The following ASXL2 variants were observed in gnomAD, a reference collection of about 807,000 sequenced individuals.
The protein encoded by ASXL2 is ASXL transcriptional regulator 2, also known as putative Polycomb group protein ASXL2.
Under a neutral mutation model 122.0 loss-of-function variants are expected in ASXL2, and 23 were observed. The ratio of observed to expected loss-of-function variants is 0.19; its 90% confidence interval spans 0.14 to 0.27. ASXL2 has a LOEUF of 0.27. Among genes scored for constraint, ASXL2 ranks in the 10% least tolerant of loss-of-function variants. The pLI, the probability that ASXL2 is intolerant of heterozygous loss-of-function variation, is 1.00. For synonymous variants in ASXL2, 650 were observed against 637.0 expected, an observed-to-expected ratio of 1.02 and a Z score of -0.31; for missense variants, 1,518 against 1,713.8, an observed-to-expected ratio of 0.89 and a Z score of 2.02.
intron 11 of ASXL2, among the ~76,000 whole-genome samples, chr2:25,752,984 T>G (rs2088071210): frequency 6.6e-6 from 1 of 151,812 alleles, no homozygotes; most frequent in Non-Finnish European, 1.5e-5. Context: ...TTTTTTTTTT[T>G]GAGATGGAAT....
At chr2:25,770,311 T>C (rs1337236356) in intron 6 of ASXL2, among the ~76,000 whole-genome samples, 1 of 152,140 alleles carries the variant, frequency 6.6e-6, no homozygotes, top group Non-Finnish European at 1.5e-5. Flanking sequence ...TGGGTTCAAA[T>C]GATTCTCTCA....
At chr2:25,766,554 T>A (rs2088354527) in intron 8 of ASXL2, among the ~76,000 whole-genome samples, 1 of 152,206 alleles carries the variant, frequency 6.6e-6, no homozygotes, top group Non-Finnish European at 1.5e-5. Flanking sequence ...AACCTATACA[T>A]TTGCCTGCAG....
chr2:25,750,496 G>T, intron 11 of ASXL2, 83 bp from the exon 12 acceptor site: 3 of 1,235,988 alleles, frequency 2.4e-6, no homozygotes, highest in Non-Finnish European at 2.3e-6. Context: ...AATGGAAGAT[G>T]ACAATGCCTA....
intron 5 of ASXL2, among the ~76,000 whole-genome samples, chr2:25,795,715 C>T (rs2088902239): frequency 6.6e-6 from 1 of 152,014 alleles, no homozygotes; most frequent in African/African-American, 2.4e-5. Flanking sequence ...CTTAGATCTA[C>T]AATTCCAAAC....
intron 2 of ASXL2, among the ~76,000 whole-genome samples, chr2:25,837,222 T>C (rs2089522462): frequency 6.6e-6 from 1 of 152,132 alleles, no homozygotes; most frequent in African/African-American, 2.4e-5. Flanking sequence ...AAACCTATTG[T>C]ATATCTAGCC....
At chr2:25,873,850 A>G (rs369901065) in intron 1 of ASXL2, among the ~76,000 whole-genome samples, 201 of 152,092 alleles carry the variant, frequency 1.3e-3, no homozygotes, top group Non-Finnish European at 2.1e-3. Flanking sequence ...ACAATCACAC[A>G]CACTTGTCCT....
intron 9 of ASXL2, among the ~76,000 whole-genome samples, chr2:25,757,504 AACAC>A (rs550460261): frequency 1.3e-5 from 2 of 148,694 alleles, no homozygotes; most frequent in African/African-American, 2.5e-5. Flanking sequence ...AGAAAAAGAA[AACAC>A]ACACACACAC....
At chr2:25,805,731 G>A (rs904938749) in intron 4 of ASXL2, among the ~76,000 whole-genome samples, 4 of 151,448 alleles carry the variant, frequency 2.6e-5, no homozygotes, top group African/African-American at 4.9e-5. Flanking sequence ...GCTGGAGTGC[G>A]GTGGCGTGAT....
chr2:25,802,814 T>C (rs1219203472), intron 4 of ASXL2, among the ~76,000 whole-genome samples: 1 of 152,176 alleles, frequency 6.6e-6, no homozygotes, highest in East Asian at 1.9e-4. Context: ...ACCCAATGGA[T>C]TGGGTTCTGA....
intron 1 of ASXL2, among the ~76,000 whole-genome samples, chr2:25,872,041 T>C (rs2149204398): frequency 6.6e-6 from 1 of 152,162 alleles, no homozygotes; most frequent in South Asian, 2.1e-4. Flanking sequence ...GCATAACAGA[T>C]CTATGGGATA....
In ASXL2 at chr2:25,742,514, G is replaced by A. The variant is rs375656900; in HGVS notation, c.3823C>T (p.His1275Tyr). Residue 1275 changes from histidine (H) to tyrosine (Y), a missense_variant, in exon 13 of 13, where the codon CAT (histidine) becomes TAT (tyrosine). Transcript: ENST00000435504. ...CGGATTGCCTTACCTCTCACTGCAT[G>A]AGCCATCTGCTTCTGTGCTGCCTGA... ...LIQAAQKQMA[H>Y]AVRGKAIRSS... The A allele has an allele frequency of 6.8e-6, 11 of 1,613,974 alleles. No homozygotes were observed. In the African/African-American group the frequency reaches 1.5e-4, roughly 22 times the overall value.
At position 25,749,944 on chromosome 2, in the gene ASXL2, C is replaced by T; in HGVS notation, c.1612G>A (p.Val538Met). 1 of 1,613,954 alleles carries T rather than the reference C, an allele frequency of 6.2e-7. No individual in the cohort carries two copies. The highest frequency in any genetic ancestry group is 8.5e-7 in the Non-Finnish European group (1 of 1,179,884). ...PKSPGVEKPI[V>M]KPTAGAGPQE... is the part of the protein sequence containing the mutation. ...GGACCCGCTCCTGCTGTGGGCTTCA[C>T]TATTGGTTTTTCAACCCCAGGACTC... is the stretch of plus-strand genomic sequence containing the variant. Residue 538 changes from valine (V) to methionine (M), a missense_variant, in exon 12 of 13, where the codon GTG (valine) becomes ATG (methionine). Physicochemically the swap from Val to Met is conservative, Grantham distance 21. Coordinates refer to ENST00000435504, the MANE Select transcript of ASXL2 (RefSeq NM_018263.6).
intron 1 of ASXL2, among the ~76,000 whole-genome samples, chr2:25,850,416 T>C (rs552232688): frequency 1.3e-5 from 2 of 152,360 alleles, no homozygotes; most frequent in South Asian, 4.1e-4. Context: ...GTAAACTGTA[T>C]TGTAGTTACA....
chr2:25,769,860 A>G (rs569497828), intron 6 of ASXL2, among the ~76,000 whole-genome samples: 6 of 152,300 alleles, frequency 3.9e-5, no homozygotes, highest in Non-Finnish European at 8.8e-5. Context: ...ATCTCTGGCT[A>G]TGCTATAGGC....
chr2:25,743,703 C>T lies in ASXL2; in HGVS notation c.2634G>A (p.Val878=). The T allele has an allele frequency of 1.9e-6, 3 of 1,613,968 alleles. No individual in the cohort carries two copies. Among genetic ancestry groups the T allele is most frequent in the Non-Finnish European group, 2.5e-6 (3 of 1,179,894 alleles). The change falls in exon 13 of 13, where the codon GTG becomes GTA. Residue 878 remains valine (V), a synonymous_variant. Coordinates refer to ENST00000435504, the MANE Select transcript of ASXL2 (RefSeq NM_018263.6). ...AAGGGGAGGGAGTTACAGCCACTGG[C>T]ACACTAGCATCTGTCTTTGATGAGG... The part of the protein sequence containing the change: ...PSASSKTDAS[V]PVAVTPSPLT...
chr2:25,806,358 G>A (rs767314778), intron 3 of ASXL2, 21 bp from the exon 4 acceptor site: 12 of 1,527,216 alleles, frequency 7.9e-6, no homozygotes, highest in East Asian at 2.3e-5. Context: ...AAGAAGAGAT[G>A]TGATAAGGAA....
At position 25,791,063 on chromosome 2, in the gene ASXL2, A is replaced by G. The variant is rs1018556790; in HGVS notation, c.403+8322T>C. Among the ~76,000 whole-genome samples the G allele has an allele frequency of 3.3e-5, 5 of 152,068 alleles. No homozygotes were observed. The South Asian group carries it at 1.0e-3, about 32-fold the overall frequency. On this transcript the variant is annotated intron_variant, in intron 5 of 12. Coordinates refer to ENST00000435504, the MANE Select transcript of ASXL2 (RefSeq NM_018263.6). ...ACTCCTGCCTCGGCCTCCCAAAGTA[A>G]TGGGATTACAGGTGTGAGCCACCAC...
At chr2:25,870,854 T>A (rs1351691830) in intron 1 of ASXL2, among the ~76,000 whole-genome samples, 1 of 152,218 alleles carries the variant, frequency 6.6e-6, no homozygotes, top group Non-Finnish European at 1.5e-5. Flanking sequence ...CAACCAGAGT[T>A]AATTTCGGTA....
chr2:25,835,298 T>C (rs2089495914), intron 3 of ASXL2, among the ~76,000 whole-genome samples: 1 of 152,202 alleles, frequency 6.6e-6, no homozygotes, highest in Non-Finnish European at 1.5e-5. Context: ...TTAATAAACC[T>C]TAATGTAGAT....
Sources: allele counts gnomAD v4.1 joint callset (sites outside exome capture counted in the v4.1 genomes callset), GRCh38; gene constraint gnomAD v4.1.1; transcripts MANE v1.5; gene names NCBI Gene and HGNC (gene_info 2026-07-23, HGNC 2026-07-21).